Variants in PFKFB3 observed in about 807,000 individuals in gnomAD.
The protein encoded by PFKFB3 is 6-phosphofructo-2-kinase/fructose-2,6-biphosphatase 3, also known as 6-phosphofructo-2-kinase/fructose-2,6-bisphosphatase 3.
PFKFB3 carries 33 observed loss-of-function variants against 68.0 expected under a neutral mutation model. The ratio of observed to expected loss-of-function variants is 0.49; its 90% CI spans 0.37 to 0.65. The LOEUF (loss-of-function observed/expected upper bound fraction) is 0.65. PFKFB3 is among the 30% of genes least tolerant of loss of function. PFKFB3 has a pLI of 0.00. For missense variants in PFKFB3, 586 were observed against 712.2 expected, an observed-to-expected ratio of 0.82 and a Z score of 2.02; for synonymous variants, 315 against 288.2, an observed-to-expected ratio of 1.09 and a Z score of -0.94.
the PFKFB3 span, among the ~76,000 whole-genome samples, chr10:6,309,636 G>A: frequency 6.6e-6 from 1 of 151,690 alleles, no homozygotes; most frequent in Admixed American, 6.6e-5. Flanking sequence ...CCTCACCCCC[G>A]CCGGCCACCA....
chr10:6,325,889 A>G, the PFKFB3 span, among the ~76,000 whole-genome samples: 4 of 152,212 alleles, frequency 2.6e-5, no homozygotes, highest in Admixed American at 1.3e-4. Flanking sequence ...ATGTGTCTGT[A>G]TAGTTCCTTC....
intron 1 of PFKFB3, among the ~76,000 whole-genome samples, chr10:6,206,872 T>C (rs1262942069): frequency 2.7e-5 from 3 of 112,810 alleles, no homozygotes; most frequent in African/African-American, 6.8e-5. Flanking sequence ...CTCCTCACTT[T>C]CCAGACTGGG....
chr10:6,223,917 G>A (rs773430698), intron 11 of PFKFB3, 41 bp from the exon 12 acceptor site: 8 of 1,578,284 alleles, frequency 5.1e-6, no homozygotes, highest in Admixed American at 3.3e-5. Flanking sequence ...ACGCCTGGCC[G>A]TGTCTCATTT....
chr10:6,243,196 C>T (rs1212029814), intron 14 of PFKFB3, among the ~76,000 whole-genome samples: 2 of 152,144 alleles, frequency 1.3e-5, no homozygotes, highest in African/African-American at 2.4e-5. Context: ...CTCCAGAGCG[C>T]GTTTCATTAG....
the PFKFB3 span, among the ~76,000 whole-genome samples, chr10:6,270,062 G>A: frequency 6.6e-6 from 1 of 152,098 alleles, no homozygotes; most frequent in African/African-American, 2.4e-5. Context: ...AACCCGGGAG[G>A]CGGAGGTTGC....
Position 6,222,872 on chromosome 10 carries a change from C to A in PFKFB3, c.1101C>A (p.Val367=), listed in dbSNP as rs1000216894. Residue 367 remains valine, a synonymous_variant, in exon 11 of 15, where the codon GTC becomes GTA. Transcript: ENST00000379775. Reference sequence around the variant, plus strand: ...GTGCTCAGTCCTACCAGGACCTGGTCCAGCGCTTGGAGCCAGTGATCATGG... The same window carrying A: ...GTGCTCAGTCCTACCAGGACCTGGTACAGCGCTTGGAGCCAGTGATCATGG... ...YPTGESYQDL[V]QRLEPVIMEL... 1 of 1,613,622 alleles carries A rather than the reference C, an allele frequency of 6.2e-7. No homozygotes were observed. Among genetic ancestry groups the A allele is most frequent in the African/African-American group, 1.3e-5 (1 of 74,918 alleles).
intron 10 of PFKFB3, among the ~76,000 whole-genome samples, chr10:6,222,328 T>C (rs963619373): frequency 6.6e-6 from 1 of 152,258 alleles, no homozygotes; most frequent in Non-Finnish European, 1.5e-5. Flanking sequence ...CCTGCTTCTT[T>C]TTACATTTTT....
chr10:6,246,502 G>A (rs1356559998), intron 14 of PFKFB3, among the ~76,000 whole-genome samples: 1 of 151,540 alleles, frequency 6.6e-6, no homozygotes, highest in Non-Finnish European at 1.5e-5. Context: ...ACCACGCCTG[G>A]CTAATTTTTA....
intron 10 of PFKFB3, among the ~76,000 whole-genome samples, chr10:6,222,442 C>T (rs913263706): frequency 8.5e-5 from 13 of 152,236 alleles, no homozygotes. Context: ...CAGCCATCAC[C>T]ACAAATTCCA....
At chr10:6,287,647 G>A in the PFKFB3 span, among the ~76,000 whole-genome samples, 4 of 152,166 alleles carry the variant, frequency 2.6e-5, no homozygotes, top group South Asian at 2.1e-4. Flanking sequence ...CTCAGAATAC[G>A]TCCCTGCCAT....
At position 6,213,740 on chromosome 10, in the gene PFKFB3, C is replaced by A. The variant is rs1482715343; in HGVS notation, c.194C>A (p.Pro65His). The A allele has an allele frequency of 2.5e-6, 4 of 1,612,246 alleles. No individual in the cohort carries two copies. ...LTRYLNWIGV[P>H]TKVFNVGEYR... is the part of the protein sequence containing the mutation. ...CGCTACCTCAACTGGATTGGCGTCC[C>A]CACAAAAGGTGAGACTGGGTCTCGA... Residue 65 changes from proline (P) to histidine (H), a missense_variant, in exon 2 of 15, where the codon CCC becomes CAC. Transcript: ENST00000379775.
the PFKFB3 span, among the ~76,000 whole-genome samples, chr10:6,274,068 G>A: frequency 6.6e-6 from 1 of 152,070 alleles, no homozygotes; most frequent in African/African-American, 2.4e-5. Flanking sequence ...GAGCCTGGTG[G>A]CACTTACCTG....
At position 6,234,571 on chromosome 10, in the gene PFKFB3, C is replaced by T. The variant is rs1845920959; in HGVS notation, c.*1629C>T. ...CTGCTGGAGAGGATGTCTCTGTCCG[C>T]ATTCCCGTGCAGCTCCAGGCTCGCG... On this transcript the variant is annotated 3_prime_UTR_variant, in exon 15 of 15. Transcript: ENST00000379775. 1 of 152,314 alleles carries T rather than the reference C, an allele frequency of 6.6e-6. No individual in the cohort carries two copies. Among genetic ancestry groups the T allele is most frequent in the South Asian group, 2.1e-4 (1 of 4,822 alleles). 9.4% of individuals were successfully genotyped at this position (152,314 alleles called of 1,614,324 possible). A position where few individuals can be genotyped will look rare whatever the true frequency, so the allele number is the denominator to read the frequency against.
rs558972453 is a variant in PFKFB3, at chr10:6,184,727, C to T, written c.17-28896C>T. Among the ~76,000 whole-genome samples the T allele has an allele frequency of 9.4e-3, 1,421 of 151,562 alleles. 11 individuals are homozygous for T. Among genetic ancestry groups the T allele is most frequent in the Middle Eastern group, 0.027 (8 of 292 alleles). ...CCTCAGGTGATCCACCTGCCTCGGC[C>T]TCCCAAAGTGCTGGAATTACAGGTG... On this transcript the variant is annotated intron_variant, in intron 1 of 14. Transcript: ENST00000379789.
At chr10:6,274,449 C>T in the PFKFB3 span, among the ~76,000 whole-genome samples, 69 of 152,206 alleles carry the variant, frequency 4.5e-4, 1 homozygote, top group South Asian at 2.1e-4. Flanking sequence ...TAAACATTTA[C>T]GATGTAGAAA....
intron 1 of PFKFB3, among the ~76,000 whole-genome samples, chr10:6,163,597 C>A (rs1842028107): frequency 6.6e-6 from 1 of 152,132 alleles, no homozygotes. Context: ...CCCTCCATTG[C>A]ACCCCGCGCC....
chr10:6,226,542 C>T (rs1001111943), intron 14 of PFKFB3, 177 bp downstream of exon 14: 12 of 592,950 alleles, frequency 2.0e-5, no homozygotes, highest in Admixed American at 7.0e-5. Flanking sequence ...CACACACTCA[C>T]GTGTTGAGGG....
chr10:6,270,057 G>A, the PFKFB3 span, among the ~76,000 whole-genome samples: 4 of 152,026 alleles, frequency 2.6e-5, no homozygotes, highest in South Asian at 2.1e-4. Context: ...GCTTGAACCC[G>A]GGAGGCGGAG....
Position 6,228,475 on chromosome 10 carries a change from T to A in PFKFB3, c.1515+2110T>A, listed in dbSNP as rs1845506587. On this transcript the variant is annotated intron_variant, in intron 14 of 14. Coordinates refer to ENST00000379775, the MANE Select transcript of PFKFB3 (RefSeq NM_004566.4). This position sits in a 1 kb window ranked among gnomAD's most constrained non-coding sequence, Gnocchi z 4.5. ...GCCGCACGACCGCTGGCTTCTCCCCTACCCTCTCAGGGCTGCAGGTCGTGG... is the reference window on the plus strand; with the variant it reads ...GCCGCACGACCGCTGGCTTCTCCCCAACCCTCTCAGGGCTGCAGGTCGTGG... Among the ~76,000 whole-genome samples the A allele has an allele frequency of 6.6e-6, 1 of 152,090 alleles. No individual in the cohort carries two copies. The highest frequency in any genetic ancestry group is 2.1e-4 in the South Asian group (1 of 4,828).
Sources: gnomAD v4.1 joint callset for allele counts (sites outside exome capture counted in the v4.1 genomes callset) on GRCh38, gnomAD v4.1.1 for gene constraint, Gnocchi (gnomAD v3.1) non-coding constraint, MANE v1.5 for transcripts, NCBI Gene and HGNC (gene_info 2026-07-23, HGNC 2026-07-21) for gene names.